Variants in PLXNA3 observed in about 807,000 individuals in gnomAD.
The protein encoded by PLXNA3 is plexin-A3.
A neutral mutation model predicts 118.8 loss-of-function variants in PLXNA3; 52 were observed. The ratio of observed to expected loss-of-function variants is 0.44; its 90% CI spans 0.35 to 0.55. The LOEUF is 0.55. PLXNA3 is among the 20% of genes least tolerant of loss of function. PLXNA3 has a pLI of 0.01. For synonymous variants in PLXNA3, 925 were observed against 762.4 expected (o/e 1.21, Z -3.51); for missense variants, 1,660 against 1,730.8 (o/e 0.96, Z 0.73).
chrX:154,461,121 C>T lies in PLXNA3; in HGVS notation c.617C>T (p.Ser206Phe). 8.3e-7 allele frequency: 1 copy of T among 1,202,042 alleles called. No homozygotes were observed. Among genetic ancestry groups the T allele is most frequent in the Non-Finnish European group, 1.1e-6 (1 of 888,218 alleles). Residue 206 changes from serine (S) to phenylalanine (F), a missense_variant, in exon 3 of 33, where the codon TCC becomes TTC. Physicochemically the swap from Ser to Phe is radical, Grantham distance 155. This residue lies in a region of PLXNA3 where 791 missense variants were observed against 652.1 expected (regional missense o/e 1.21). Coordinates refer to ENST00000369682, the MANE Select transcript of PLXNA3 (RefSeq NM_017514.5). Reference protein sequence around the residue: ...FSLVYQDEFVSSQIKIPSDTL... With the variant: ...FSLVYQDEFVFSQIKIPSDTL... ...CAGGTGTACCAGGATGAGTTTGTGT[C>T]CTCCCAGATCAAGATCCCCTCAGAC... is the stretch of plus-strand genomic sequence containing the variant.
intron 3 of PLXNA3, 138 bp downstream of exon 3, chrX:154,461,776 C>A (rs2068968259): frequency 3.3e-6 from 2 of 608,397 alleles, no homozygotes; most frequent in Non-Finnish European, 5.1e-6. Context: ...CCACCTGTTT[C>A]TCCCTCCCAG....
rs782075901 is a variant in PLXNA3, at chrX:154,461,397, C to G, written c.893C>G (p.Ala298Gly). 3 of 1,211,522 alleles carry G rather than the reference C, an allele frequency of 2.5e-6. No homozygotes were observed. Among genetic ancestry groups the G allele is most frequent in the Non-Finnish European group, 3.4e-6 (3 of 895,169 alleles). The change falls in exon 3 of 33, where the codon GCC becomes GGC. Residue 298 changes from alanine to glycine, a missense_variant. Around this residue, in one of 2 missense-constraint regions of PLXNA3, gnomAD observed 791 missense variants for 652.1 expected, o/e 1.21. Coordinates refer to ENST00000369682, the MANE Select transcript of PLXNA3 (RefSeq NM_017514.5). Reference protein sequence around the residue: ...EYRLVQSAHLAKPGLLLAQAL... With the variant: ...EYRLVQSAHLGKPGLLLAQAL... ...CGCTTGGTGCAGAGCGCCCACCTGG[C>G]CAAGCCTGGCCTGCTGCTGGCCCAG...
chrX:154,463,563 G>GC, intron 5 of PLXNA3, 27 bp from the exon 6 acceptor site: 10 of 990,508 alleles, frequency 1.0e-5, no homozygotes, highest in African/African-American at 6.5e-5. Flanking sequence ...GCGGGGGTGG[G>GC]CTGGGTGCTG....
At position 154,477,190 on chromosome X, in the gene PLXNA3, G is replaced by T. The variant is rs2069241871; in HGVS notation, c.*4505G>T. Reference sequence around the variant, plus strand: ...GGCCAGGGTGCCCAGAATGGTGTTTGTTGCCTCCATAGAGGGAAACAAGCC... The same window carrying T: ...GGCCAGGGTGCCCAGAATGGTGTTTTTTGCCTCCATAGAGGGAAACAAGCC... On this transcript the variant is annotated 3_prime_UTR_variant, in exon 33 of 33. Coordinates refer to ENST00000369682, the MANE Select transcript of PLXNA3 (RefSeq NM_017514.5). 8.9e-6 allele frequency: 1 copy of T among 112,295 alleles called. No homozygotes were observed. Among genetic ancestry groups the T allele is most frequent in the Non-Finnish European group, 1.9e-5 (1 of 53,224 alleles). 9.3% of individuals were successfully genotyped at this position (112,295 alleles called of 1,213,427 possible). A position where few individuals can be genotyped will look rare whatever the true frequency, so the allele number is the denominator to read the frequency against.
chrX:154,467,958 G>A lies in PLXNA3; in HGVS notation c.3777G>A (p.Gln1259=), dbSNP rs1557207957. ...ADRTLKRLQL[Q]MDNLESRVAL... ...GTACCCTCAAGCGTCTGCAGCTGCA[G>A]ATGGACAACCTGGAGTCCCGTGTGG... The change falls in exon 21 of 33, where the codon CAG becomes CAA. Residue 1259 remains glutamine, a synonymous_variant. Coordinates refer to ENST00000369682, the MANE Select transcript of PLXNA3 (RefSeq NM_017514.5). 1 of 1,211,276 alleles carries A rather than the reference G, an allele frequency of 8.3e-7. No individual in the cohort carries two copies. Among genetic ancestry groups the A allele is most frequent in the Admixed American group, 2.2e-5 (1 of 46,125 alleles).
chrX:154,468,611 C>G (rs1557208305), intron 23 of PLXNA3, 52 bp downstream of exon 23: 2 of 1,209,006 alleles, frequency 1.7e-6, no homozygotes, highest in Non-Finnish European at 2.2e-6. Context: ...TGGGCCTGCC[C>G]CCTGTCCAAG....
At position 154,476,504 on chromosome X, in the gene PLXNA3, C is replaced by T. The variant is rs1397505618; in HGVS notation, c.*3819C>T. 8 of 107,364 alleles carry T rather than the reference C, an allele frequency of 7.5e-5. No individual in the cohort carries two copies. Among genetic ancestry groups the T allele is most frequent in the Non-Finnish European group, 1.5e-4 (8 of 51,952 alleles). The allele number at this position is 107,364 out of a possible 1,213,427, so 8.8% of individuals were successfully genotyped here. On this transcript the variant is annotated 3_prime_UTR_variant, in exon 33 of 33. Coordinates refer to ENST00000369682, the MANE Select transcript of PLXNA3 (RefSeq NM_017514.5). ...AAGATCTAAATTGTCAACTATTCGT[C>T]AATAATTAATGTCTAAAAAATATTA...
Position 154,471,520 on chromosome X carries a change from T to A in PLXNA3, c.5402T>A (p.Ile1801Asn). ...YYRDIAKMAS[I>N]SDQDMDAYLV... ...CGAGACATTGCAAAGATGGCATCCA[T>A]CAGCGACCAGGACATGGATGCCTAC... Residue 1801 changes from isoleucine to asparagine, a missense_variant, in exon 32 of 33, where the codon ATC becomes AAC. Coordinates refer to ENST00000369682, the MANE Select transcript of PLXNA3 (RefSeq NM_017514.5). 8.3e-7 allele frequency: 1 copy of A among 1,207,647 alleles called. No individual in the cohort carries two copies. Among genetic ancestry groups the A allele is most frequent in the Non-Finnish European group, 1.1e-6 (1 of 892,420 alleles).
rs781920321 is a variant in PLXNA3 at position 154,460,285 on chromosome X, C to G, written c.102C>G (p.Thr34=). ...TCGTGGTGACAGACACCACGCTTAC[C>G]CACCTGGCTGTGCACCGGGTGACTG... ...RAFVVTDTTL[T]HLAVHRVTGE... The change falls in exon 2 of 33, where the codon ACC becomes ACG. Residue 34 remains threonine, a synonymous_variant. Transcript: ENST00000369682. The G allele has an allele frequency of 1.7e-6, 2 of 1,208,521 alleles. No individual in the cohort carries two copies. The highest frequency in any genetic ancestry group is 3.5e-5 in the South Asian group (2 of 56,952).
chrX:154,467,432 C>T lies in PLXNA3; in HGVS notation c.3402C>T (p.Gly1134=), dbSNP rs782775663. ...DPSFEPLGPS[G]VLDVKPGSHV... ...GCTTTGAGCCGCTGGGGCCCTCTGG[C>T]GTGCTGGACGTCAAACCGGGCTCCC... The change falls in exon 19 of 33, where the codon GGC becomes GGT. Residue 1134 remains glycine, a synonymous_variant. Coordinates refer to ENST00000369682, the MANE Select transcript of PLXNA3 (RefSeq NM_017514.5). The T allele has an allele frequency of 1.4e-5, 16 of 1,161,457 alleles. No homozygotes were observed. Among genetic ancestry groups the T allele is most frequent in the Admixed American group, 9.0e-5 (4 of 44,425 alleles).
chrX:154,477,700 A>ACCC lies in PLXNA3; in HGVS notation c.*5023_*5025dup, dbSNP rs57974550. 2.0e-5 allele frequency: 5 copies of ACCC among 249,948 alleles called. No homozygotes were observed. The highest frequency in any genetic ancestry group is 1.3e-4 in the African/African-American group (4 of 29,778). The allele number at this position is 249,948 out of a possible 1,213,427, so 20.6% of individuals were successfully genotyped here. On this transcript the variant is annotated 3_prime_UTR_variant, in exon 33 of 33. Coordinates refer to ENST00000369682, the MANE Select transcript of PLXNA3 (RefSeq NM_017514.5). The stretch of plus-strand genomic sequence containing the variant: ...ACTCCTTGAATATCTGAATTCTAGA[A>ACCC]CCCCCCCCCCAGCAACCCAAGCACA...
intron 30 of PLXNA3, chrX:154,470,877 C>T (rs901353953): frequency 2.2e-5 from 10 of 445,714 alleles, no homozygotes; most frequent in Non-Finnish European, 2.3e-5. Context: ...GGTGGTCGGT[C>T]GCAGGTGGTG....
intron 31 of PLXNA3, 47 bp downstream of exon 31, chrX:154,471,364 C>T: frequency 8.6e-7 from 1 of 1,157,817 alleles, no homozygotes; most frequent in African/African-American, 1.8e-5. Context: ...ACCTGCCCCT[C>T]CCTGGGCTGC....
At position 154,465,688 on chromosome X, in the gene PLXNA3, C is replaced by G. The variant is rs1557206735; in HGVS notation, c.2373C>G (p.Pro791=). 1 of 1,210,033 alleles carries G rather than the reference C, an allele frequency of 8.3e-7. No individual in the cohort carries two copies. Among genetic ancestry groups the G allele is most frequent in the Admixed American group, 2.2e-5 (1 of 46,127 alleles). The part of the protein sequence containing the change: ...ALLYKCWAQR[P]SCGLCLKADP... ...TGTACAAGTGCTGGGCGCAGCGGCC[C>G]AGCTGTGGCCTCTGCCTCAAGGCTG... The change falls in exon 13 of 33, where the codon CCC becomes CCG. Residue 791 remains proline, a synonymous_variant. Transcript: ENST00000369682.
In PLXNA3 at chrX:154,474,006, C is replaced by T. The variant is rs782358786; in HGVS notation, c.*1321C>T. 6.3e-5 allele frequency: 7 copies of T among 111,686 alleles called. No homozygotes were observed. Among genetic ancestry groups the T allele is most frequent in the East Asian group, 2.8e-4 (1 of 3,597 alleles). 9.2% of individuals were successfully genotyped at this position (111,686 alleles called of 1,213,427 possible). On this transcript the variant is annotated 3_prime_UTR_variant, in exon 33 of 33. Coordinates refer to ENST00000369682, the MANE Select transcript of PLXNA3 (RefSeq NM_017514.5). Reference sequence around the variant, plus strand: ...TGTTGCCTCACTGTTTAGAACCCTCCGGCGGTTTCAGCTGCAGCCAGCTCC... The same window carrying T: ...TGTTGCCTCACTGTTTAGAACCCTCTGGCGGTTTCAGCTGCAGCCAGCTCC...
Position 154,460,213 on chromosome X carries a change from C to G in PLXNA3, c.30C>G (p.Leu10=), listed in dbSNP as rs782359318. Residue 10 remains leucine, a synonymous_variant, in exon 2 of 33, where the codon CTC becomes CTG. Transcript: ENST00000369682. ...CCTCTGTCTGCCTCCTCCTGCTGCTCTTCCTTGCCGTGGGGGGGGCCCTGG... is the reference window on the plus strand; with the variant it reads ...CCTCTGTCTGCCTCCTCCTGCTGCTGTTCCTTGCCGTGGGGGGGGCCCTGG... MPSVCLLLL[L]FLAVGGALGN... 1 of 1,208,874 alleles carries G rather than the reference C, an allele frequency of 8.3e-7. No individual in the cohort carries two copies. Among genetic ancestry groups the G allele is most frequent in the East Asian group, 3.0e-5 (1 of 33,856 alleles).
In PLXNA3 at chrX:154,463,453, C is replaced by T. The variant is rs1275759473; in HGVS notation, c.1380C>T (p.Ser460=). 8.3e-7 allele frequency: 1 copy of T among 1,207,316 alleles called. No homozygotes were observed. Among genetic ancestry groups the T allele is most frequent in the Non-Finnish European group, 1.1e-6 (1 of 892,667 alleles). The change falls in exon 5 of 33, where the codon AGC becomes AGT. Residue 460 remains serine, a synonymous_variant. Coordinates refer to ENST00000369682, the MANE Select transcript of PLXNA3 (RefSeq NM_017514.5). The part of the protein sequence containing the change: ...LYETVPVVDG[S]PILRDLLFSP... ...AGACAGTCCCCGTGGTGGATGGCAG[C>T]CCCATCCTCCGAGACCTGCTCTTCA...
chrX:154,469,810 T>C (rs2069155236), intron 28 of PLXNA3, 26 bp downstream of exon 28: 1 of 1,170,233 alleles, frequency 8.5e-7, no homozygotes, highest in Non-Finnish European at 1.2e-6. Context: ...GTGGTGGCCA[T>C]GTGCCCTTCG....
Position 154,460,491 on chromosome X carries a change from A to G in PLXNA3, c.308A>G (p.Asp103Gly). ...AACATCAACAAGCTGCTGCTCATAGACTATGCGGCCCGCCGCCTGGTGGCC... is the reference window on the plus strand; with the variant it reads ...AACATCAACAAGCTGCTGCTCATAGGCTATGCGGCCCGCCGCCTGGTGGCC... ...VDNINKLLLI[D>G]YAARRLVACG... The change falls in exon 2 of 33, where the codon GAC becomes GGC. Residue 103 changes from aspartate (D) to glycine (G), a missense_variant. Around this residue, in one of 2 missense-constraint regions of PLXNA3, gnomAD observed 791 missense variants for 652.1 expected, o/e 1.21. Transcript: ENST00000369682. 8.3e-7 allele frequency: 1 copy of G among 1,209,170 alleles called. No individual in the cohort carries two copies. The highest frequency in any genetic ancestry group is 1.1e-6 in the Non-Finnish European group (1 of 894,274).
Sources: gnomAD v4.1 joint callset for allele counts on GRCh38, gnomAD v4.1.1 for gene constraint, gnomAD v4.1.1 regional missense constraint, MANE v1.5 for transcripts, NCBI Gene and HGNC (gene_info 2026-07-23, HGNC 2026-07-21) for gene names.